NUTM1: variants seen among roughly 807,000 people sequenced by gnomAD.
NUTM1 encodes the protein NUT family member 1.
A neutral mutation model predicts 88.7 loss-of-function variants in NUTM1; 39 were observed. The observed-to-expected ratio is 0.44, with a 90% confidence interval of 0.34 to 0.57. NUTM1 has a LOEUF of 0.57. NUTM1 is among the 20% of genes least tolerant of loss of function. The pLI is 0.01. For synonymous variants in NUTM1, 494 were observed against 538.0 expected (o/e 0.92, Z 1.13); for missense variants, 1,350 against 1,414.5 (o/e 0.95, Z 0.73).
intron 4 of NUTM1, among the ~76,000 whole-genome samples, chr15:34,351,104 T>G (rs1274477254): frequency 1.3e-5 from 2 of 150,624 alleles, no homozygotes; most frequent in Non-Finnish European, 3.0e-5. Context: ...GGCATGTGCC[T>G]GTAGTCCCAG....
chr15:34,346,609 C>G, intron 2 of NUTM1, among the ~76,000 whole-genome samples: 1 of 147,826 alleles, frequency 6.8e-6, no homozygotes, highest in Non-Finnish European at 1.5e-5. Flanking sequence ...GGGCCGGGTG[C>G]GGTGGCTCAT....
At position 34,355,798 on chromosome 15, in the gene NUTM1, T is replaced by C. The variant is rs1003207471; in HGVS notation, c.1790T>C (p.Leu597Pro). 1 of 1,614,178 alleles carries C rather than the reference T, an allele frequency of 6.2e-7. No individual in the cohort carries two copies. Among genetic ancestry groups the C allele is most frequent in the African/African-American group, 1.3e-5 (1 of 75,050 alleles). ...AGCAGCTGGGACCTGCAGCCAGAAC[T>C]TGCAGCTCCACAGGGAACTCCGGGA... ...SPSSWDLQPE[L>P]AAPQGTPGPL... The change falls in exon 8 of 8, where the codon CTT becomes CCT. Residue 597 changes from leucine to proline, a missense_variant. By Grantham distance (98) the Leu-to-Pro change is moderately conservative. This residue lies in a region of NUTM1 where 730 missense variants were observed against 728.8 expected (regional missense o/e 1.00). Coordinates refer to ENST00000537011, the MANE Select transcript of NUTM1 (RefSeq NM_001284292.2). The surrounding 1 kb of genome is among the most constrained non-coding windows in gnomAD (Gnocchi z 4.3).
chr15:34,343,745 GT>G, intron 1 of NUTM1, 43 bp downstream of exon 1: 2 of 1,514,354 alleles, frequency 1.3e-6, no homozygotes, highest in Non-Finnish European at 1.8e-6. Flanking sequence ...CCTTCTAGGA[GT>G]TTTTACAATT....
chr15:34,345,824 C>T (rs543093613), intron 1 of NUTM1, 118 bp from the exon 2 acceptor site: 2 of 1,415,004 alleles, frequency 1.4e-6, no homozygotes, highest in African/African-American at 1.4e-5. Context: ...CCCACCCTCA[C>T]CCCACTTTTC....
At chr15:34,344,846 G>A (rs938722160) in intron 1 of NUTM1, among the ~76,000 whole-genome samples, 4 of 151,896 alleles carry the variant, frequency 2.6e-5, no homozygotes, top group Admixed American at 6.6e-5. Context: ...GTGAAACCCC[G>A]TCTCTACTAA....
chr15:34,343,911 C>CT (rs767955449), intron 1 of NUTM1, among the ~76,000 whole-genome samples: 8,937 of 139,928 alleles, frequency 0.064, 262 homozygotes, highest in South Asian at 0.093. Flanking sequence ...AAAACCTGCA[C>CT]TTTTTTTTTT....
chr15:34,357,478 G>T lies in NUTM1; in HGVS notation c.3470G>T (p.Arg1157Leu), dbSNP rs200540515. The change falls in exon 8 of 8, where the codon CGT becomes CTT. Residue 1157 changes from arginine to leucine, a missense_variant. Arg to Leu is a moderately radical substitution (Grantham distance 102, BLOSUM62 -2). This residue lies in a region of NUTM1 where 730 missense variants were observed against 728.8 expected (regional missense o/e 1.00). Coordinates refer to ENST00000537011, the MANE Select transcript of NUTM1 (RefSeq NM_001284292.2). ...GTCACGGGCAGAAGGAAGAAACGAC[G>T]TCGTAGCCAGTAGGGAGCAGCGGGA... The part of the protein sequence containing the change: ...SFVTGRRKKR[R>L]RSQ 5.0e-5 allele frequency: 81 copies of T among 1,612,576 alleles called. No homozygotes were observed. Among genetic ancestry groups the T allele is most frequent in the Non-Finnish European group, 6.7e-5 (79 of 1,179,504 alleles).
Position 34,357,695 on chromosome 15 carries a change from A to G in NUTM1, c.*204A>G, listed in dbSNP as rs1890847678. ...GGGGGAATTACCTTTGGAAGGAGCT[A>G]TATAGAAAAAAAATGAATAAAGTGT... On this transcript the variant is annotated 3_prime_UTR_variant, in exon 8 of 8. Transcript: ENST00000537011. The G allele has an allele frequency of 1.1e-6, 1 of 916,670 alleles. No individual in the cohort carries two copies. Among genetic ancestry groups the G allele is most frequent in the African/African-American group, 1.6e-5 (1 of 60,944 alleles). 56.8% of individuals were successfully genotyped at this position (916,670 alleles called of 1,614,324 possible). A position where few individuals can be genotyped will look rare whatever the true frequency, so the allele number is the denominator to read the frequency against.
At chr15:34,354,006 C>A in intron 5 of NUTM1, 134 bp downstream of exon 5, 1 of 972,024 alleles carries the variant, frequency 1.0e-6, no homozygotes, top group Non-Finnish European at 1.5e-6. Context: ...TTTGATATTC[C>A]AAACAGACCA....
Position 34,346,012 on chromosome 15 carries a change from C to T in NUTM1, c.77C>T (p.Pro26Leu). 1 of 1,614,150 alleles carries T rather than the reference C, an allele frequency of 6.2e-7. No individual in the cohort carries two copies. The highest frequency in any genetic ancestry group is 1.7e-5 in the Admixed American group (1 of 60,014). ...ASRQPQLVPK[P>L]ERMASDGASA... ...AGACAGCCACAGTTAGTGCCCAAAC[C>T]TGAGAGGATGGCTTCAGATGGAGGT... The change falls in exon 2 of 8, where the codon CCT (proline) becomes CTT (leucine). Residue 26 changes from proline to leucine, a missense_variant. By Grantham distance (98) the Pro-to-Leu change is moderately conservative. Transcript: ENST00000537011.
intron 6 of NUTM1, 77 bp downstream of exon 6, chr15:34,354,809 G>A: frequency 7.1e-7 from 1 of 1,410,026 alleles, no homozygotes. Context: ...TCTGGGGTTT[G>A]TCCAATGCAG....
rs1595615389 is a variant in NUTM1, at chr15:34,357,344, T to C, written c.3336T>C (p.Thr1112=). ...CTCTAGCTGGAGGTCCAGCCCCTACTGAAAAGACACCCCACTCAGGAGCTC... is the reference window on the plus strand; with the variant it reads ...CTCTAGCTGGAGGTCCAGCCCCTACCGAAAAGACACCCCACTCAGGAGCTC... ...KRALAGGPAP[T]EKTPHSGAQL... The change falls in exon 8 of 8, where the codon ACT becomes ACC. Residue 1112 remains threonine (T), a synonymous_variant. Coordinates refer to ENST00000537011, the MANE Select transcript of NUTM1 (RefSeq NM_001284292.2). 1 of 1,614,000 alleles carries C rather than the reference T, an allele frequency of 6.2e-7. No homozygotes were observed. Among genetic ancestry groups the C allele is most frequent in the African/African-American group, 1.3e-5 (1 of 74,894 alleles).
chr15:34,356,947 G>C lies in NUTM1; in HGVS notation c.2939G>C (p.Ser980Thr). 1 of 1,613,882 alleles carries C rather than the reference G, an allele frequency of 6.2e-7. No homozygotes were observed. Among genetic ancestry groups the C allele is most frequent in the Non-Finnish European group, 8.5e-7 (1 of 1,180,004 alleles). Residue 980 changes from serine to threonine, a missense_variant, in exon 8 of 8, where the codon AGT becomes ACT. Physicochemically the swap from Ser to Thr is moderately conservative, Grantham distance 58. Around this residue, in one of 5 missense-constraint regions of NUTM1, gnomAD observed 730 missense variants for 728.8 expected, o/e 1.00. Coordinates refer to ENST00000537011, the MANE Select transcript of NUTM1 (RefSeq NM_001284292.2). ...KPKNLAPLQESQESYTTGTPK... is the reference protein window; with the variant it reads ...KPKNLAPLQETQESYTTGTPK... ...AAAAACCTTGCTCCTTTACAAGAGAGTCAGGAGTCTTACACAACTGGGACT... is the reference window on the plus strand; with the variant it reads ...AAAAACCTTGCTCCTTTACAAGAGACTCAGGAGTCTTACACAACTGGGACT...
rs1240965452 is a variant in NUTM1, at chr15:34,343,406, A to G, written c.-291A>G. Reference sequence around the variant, plus strand: ...TAGAAGCCTGTCTTTGTCTCAAGATACACACCCATTTCAGGAGCAGTGAGT... The same window carrying G: ...TAGAAGCCTGTCTTTGTCTCAAGATGCACACCCATTTCAGGAGCAGTGAGT... On this transcript the variant is annotated 5_prime_UTR_variant, in exon 1 of 8. The change creates a new upstream start codon in the 5' untranslated region. Transcript: ENST00000537011. 4 of 621,192 alleles carry G rather than the reference A, an allele frequency of 6.4e-6. No homozygotes were observed. The highest frequency in any genetic ancestry group is 1.1e-5 in the Non-Finnish European group (4 of 356,998). The allele number at this position is 621,192 out of a possible 1,614,324, so 38.5% of individuals were successfully genotyped here.
intron 4 of NUTM1, among the ~76,000 whole-genome samples, chr15:34,351,157 G>A (rs140184469): frequency 0.014 from 1,822 of 132,776 alleles, 47 homozygotes; most frequent in African/African-American, 0.047. Context: ...GAACCTGGGA[G>A]GTGGAGGTTG....
intron 1 of NUTM1, among the ~76,000 whole-genome samples, chr15:34,343,911 CT>C (rs767955449): frequency 0.16 from 21,683 of 139,882 alleles, 1,650 homozygotes; most frequent in East Asian, 0.32. Flanking sequence ...AAAACCTGCA[CT>C]TTTTTTTTTT....
In NUTM1 at chr15:34,345,950, G is replaced by GCCTCA. The variant is rs1890578491; in HGVS notation, c.15_16insCCTCA (p.Gly6ProfsTer19). On this transcript the variant is annotated frameshift_variant, in exon 2 of 8. Coordinates refer to ENST00000537011, the MANE Select transcript of NUTM1 (RefSeq NM_001284292.2). LOFTEE classifies it high-confidence loss of function. ...GCACCTACTGGAGCCAGGTTACTCT[G>GCCTCA]GGTCCTGGACCTGACTGCCTCATTC... 6.2e-7 allele frequency: 1 copy of GCCTCA among 1,613,934 alleles called. No individual in the cohort carries two copies. Among genetic ancestry groups the GCCTCA allele is most frequent in the Non-Finnish European group, 8.5e-7 (1 of 1,179,984 alleles).
chr15:34,357,469 A>G lies in NUTM1; in HGVS notation c.3461A>G (p.Lys1154Arg), dbSNP rs1179789945. ...RCDSFVTGRR[K>R]KRRRSQ ...GACAGTTTTGTCACGGGCAGAAGGA[A>G]GAAACGACGTCGTAGCCAGTAGGGA... Residue 1154 changes from lysine to arginine, a missense_variant, in exon 8 of 8, where the codon AAG becomes AGG. Physicochemically the swap from Lys to Arg is conservative, Grantham distance 26. Transcript: ENST00000537011. 3 of 1,613,006 alleles carry G rather than the reference A, an allele frequency of 1.9e-6. No individual in the cohort carries two copies. The highest frequency in any genetic ancestry group is 1.1e-5 in the South Asian group (1 of 90,984).
Position 34,356,802 on chromosome 15 carries a change from C to A in NUTM1, c.2794C>A (p.Leu932Ile). The change falls in exon 8 of 8, where the codon CTA becomes ATA. Residue 932 changes from leucine to isoleucine, a missense_variant. Leu to Ile is a conservative substitution (Grantham distance 5). Coordinates refer to ENST00000537011, the MANE Select transcript of NUTM1 (RefSeq NM_001284292.2). ...LLETIEPVNI[L>I]DVKDDCGLQL... is the part of the protein sequence containing the mutation. ...GGAAACCATAGAACCTGTCAACATA[C>A]TAGATGTTAAAGATGACTGTGGCCT... The A allele has an allele frequency of 4.3e-6, 7 of 1,611,818 alleles. No homozygotes were observed. Among genetic ancestry groups the A allele is most frequent in the Non-Finnish European group, 5.1e-6 (6 of 1,179,626 alleles).
Sources: gnomAD v4.1 joint callset for allele counts (sites outside exome capture counted in the v4.1 genomes callset) on GRCh38, gnomAD v4.1.1 for gene constraint, gnomAD v4.1.1 regional missense constraint, Gnocchi (gnomAD v3.1) non-coding constraint, MANE v1.5 for transcripts, NCBI Gene and HGNC (gene_info 2026-07-23, HGNC 2026-07-21) for gene names.